Variants in ZNF888 observed in about 807,000 individuals in gnomAD.
ZNF888 encodes the protein CTD-2331H12.6.
ZNF888 carries 5 observed loss-of-function variants against 7.2 expected under a neutral mutation model. That is an observed-to-expected ratio of 0.70 (90% confidence interval 0.36 to 1.46). The LOEUF is 1.46. Among genes scored for constraint, ZNF888 ranks in the 40% most tolerant of loss-of-function variants. ZNF888 has a pLI of 0.03. For synonymous variants in ZNF888, 240 were observed against 284.3 expected, an observed-to-expected ratio of 0.84 and a Z score of 1.57; for missense variants, 716 against 858.0, an observed-to-expected ratio of 0.83 and a Z score of 2.07.
In ZNF888 at chr19:52,905,664, C is replaced by T. The variant is rs28394533; in HGVS notation, c.*501G>A. On this transcript the variant is annotated 3_prime_UTR_variant, in exon 5 of 5. Transcript: ENST00000638862. ...AATGTCAATTAATGCTTGAACTCAA[C>T]GTTAAGTCAACTCAAACTCAAGTCA... is the stretch of plus-strand genomic sequence containing the variant. The T allele has an allele frequency of 0.32, 128,873 of 404,976 alleles. 26,698 individuals carry two copies. Among genetic ancestry groups the T allele is most frequent in the African/African-American group, 0.69 (33,758 of 48,602 alleles). The allele number at this position is 404,976 out of a possible 1,614,324, so 25.1% of individuals were successfully genotyped here. A position where few individuals can be genotyped will look rare whatever the true frequency, so the allele number is the denominator to read the frequency against.
At position 52,907,584 on chromosome 19, in the gene ZNF888, T is replaced by TA. The variant is rs1437045875; in HGVS notation, c.737dup (p.Cys247MetfsTer6). ...GCTTCTGATTAAAGTCTTTGCCACA[T>TA]ACATCACATTTATATTGTTTCTCTC... is the stretch of plus-strand genomic sequence containing the variant. On this transcript the variant is annotated frameshift_variant, in exon 5 of 5. Coordinates refer to ENST00000638862, the MANE Select transcript of ZNF888 (RefSeq NM_001393938.1). LOFTEE classifies it low-confidence loss of function (END_TRUNC). The TA allele has an allele frequency of 6.2e-7, 1 of 1,607,394 alleles. No individual in the cohort carries two copies. The highest frequency in any genetic ancestry group is 8.5e-7 in the Non-Finnish European group (1 of 1,177,338).
chr19:52,913,208 G>GA (rs1213087718), intron 4 of ZNF888, among the ~76,000 whole-genome samples: 9 of 150,036 alleles, frequency 6.0e-5, no homozygotes, highest in African/African-American at 2.2e-4. Flanking sequence ...TAAAAGTCAT[G>GA]AAAAAACACT....
At chr19:52,913,970 AC>A (rs1356036206) in intron 4 of ZNF888, among the ~76,000 whole-genome samples, 3 of 152,164 alleles carry the variant, frequency 2.0e-5, no homozygotes, top group Non-Finnish European at 4.4e-5. Context: ...TACTAAAAAC[AC>A]AAAGTTAGTT....
rs2064618153 is a variant in ZNF888, at chr19:52,907,043, C to T, written c.1279G>A (p.Val427Ile). The change falls in exon 5 of 5, where the codon GTT (valine) becomes ATT (isoleucine). Residue 427 changes from valine to isoleucine, a missense_variant. Around this residue, in one of 2 missense-constraint regions of ZNF888, gnomAD observed 697 missense variants for 803.4 expected, o/e 0.87. Coordinates refer to ENST00000638862, the MANE Select transcript of ZNF888 (RefSeq NM_001393938.1). ...TCTCCAGTATGAATTGTCTTGTGAA[C>T]TAAGAGGGCTGAATTTTCACCAAAC... is the stretch of plus-strand genomic sequence containing the variant. The part of the protein sequence containing the change: ...KTFGENSALL[V>I]HKTIHTGEKP... 6.2e-7 allele frequency: 1 copy of T among 1,607,324 alleles called. No individual in the cohort carries two copies. Among genetic ancestry groups the T allele is most frequent in the African/African-American group, 1.4e-5 (1 of 72,644 alleles).
chr19:52,919,364 T>A lies in ZNF888; in HGVS notation c.-177-427A>T, dbSNP rs1465001088. 3.1e-5 allele frequency among the ~76,000 whole-genome samples: 2 copies of A among 65,340 alleles called. 1 individual carries two copies. The highest frequency in any genetic ancestry group is 6.7e-4 in the East Asian group (2 of 2,964). 42.9% of individuals were successfully genotyped at this position (65,340 alleles called of 152,430 possible). A position where few individuals can be genotyped will look rare whatever the true frequency, so the allele number is the denominator to read the frequency against. ...CATGTTTTTTTTGGTGGAGACGGGG[T>A]TTCGCTGTGTTGGCCGGGCTGGTCT... On this transcript the variant is annotated intron_variant, in intron 1 of 4. Transcript: ENST00000638862.
intron 4 of ZNF888, among the ~76,000 whole-genome samples, chr19:52,914,791 C>G (rs2064724987): frequency 6.6e-6 from 1 of 152,214 alleles, no homozygotes; most frequent in East Asian, 1.9e-4. Flanking sequence ...CTCAGCCTTT[C>G]TAGGAGCTAG....
At chr19:52,912,515 G>A (rs1275513052) in intron 4 of ZNF888, among the ~76,000 whole-genome samples, 1 of 147,560 alleles carries the variant, frequency 6.8e-6, no homozygotes, top group African/African-American at 2.5e-5. Flanking sequence ...CACGTGGTCA[G>A]GAGATTGAGA....
intron 4 of ZNF888, among the ~76,000 whole-genome samples, chr19:52,909,537 G>T (rs1722288148): frequency 6.6e-6 from 1 of 152,008 alleles, no homozygotes; most frequent in Non-Finnish European, 1.5e-5. Context: ...ATGAGCCACT[G>T]CGCCCGGGGG....
Position 52,907,060 on chromosome 19 carries a change from T to A in ZNF888, c.1262A>T (p.Glu421Val), listed in dbSNP as rs2064618626. 1 of 1,611,804 alleles carries A rather than the reference T, an allele frequency of 6.2e-7. No homozygotes were observed. Reference sequence around the variant, plus strand: ...CTTGTGAACTAAGAGGGCTGAATTTTCACCAAACGTTTTGCCACACTCATT... The same window carrying A: ...CTTGTGAACTAAGAGGGCTGAATTTACACCAAACGTTTTGCCACACTCATT... ...KCNECGKTFGENSALLVHKTI... is the reference protein window; with the variant it reads ...KCNECGKTFGVNSALLVHKTI... The change falls in exon 5 of 5, where the codon GAA becomes GTA. Residue 421 changes from glutamate to valine, a missense_variant. Physicochemically the swap from Glu to Val is moderately radical, Grantham distance 121. Coordinates refer to ENST00000638862, the MANE Select transcript of ZNF888 (RefSeq NM_001393938.1).
chr19:52,917,699 T>C lies in ZNF888; in HGVS notation c.15+160A>G, dbSNP rs560718184. ...GTTCATGTCATTGGGTCACGAGAGA[T>C]GGAATCTAGGTGAGATGAGAGGGAC... On this transcript the variant is annotated intron_variant, in intron 3 of 4. Coordinates refer to ENST00000638862, the MANE Select transcript of ZNF888 (RefSeq NM_001393938.1). Among the ~76,000 whole-genome samples, 3 of 152,132 alleles carry C rather than the reference T, an allele frequency of 2.0e-5. No homozygotes were observed. The South Asian group carries it at 6.2e-4, about 32-fold the overall frequency.
Position 52,906,733 on chromosome 19 carries a change from G to T in ZNF888, c.1589C>A (p.Thr530Asn), listed in dbSNP as rs1270643474. 2 of 1,608,136 alleles carry T rather than the reference G, an allele frequency of 1.2e-6. No homozygotes were observed. The highest frequency in any genetic ancestry group is 1.7e-6 in the Non-Finnish European group (2 of 1,176,046). The change falls in exon 5 of 5, where the codon ACC becomes AAC. Residue 530 changes from threonine to asparagine, a missense_variant. Physicochemically the swap from Thr to Asn is moderately conservative, Grantham distance 65. Transcript: ENST00000638862. ...TACAAGAGATGAATTTTGAACGAAG[G>T]TCTTGCCACACTCATTACACTTGTA... The part of the protein sequence containing the change: ...KPYKCNECGK[T>N]FVQNSSLVMH...
At chr19:52,917,806 C>T (rs2064768991) in intron 3 of ZNF888, 53 bp downstream of exon 3, 1 of 1,612,498 alleles carries the variant, frequency 6.2e-7, no homozygotes, top group Non-Finnish European at 8.5e-7. Flanking sequence ...CTCCAAGGCC[C>T]AGCATTTCTG....
chr19:52,914,524 C>T (rs1261129955), intron 4 of ZNF888: 1 of 172,008 alleles, frequency 5.8e-6, no homozygotes, highest in Non-Finnish European at 1.2e-5. Context: ...TCTCAAATTC[C>T]TCCACTGACT....
Position 52,907,563 on chromosome 19 carries a change from C to G in ZNF888, c.759G>C (p.Gln253His). Residue 253 changes from glutamine to histidine, a missense_variant, in exon 5 of 5, where the codon CAG (glutamine) becomes CAC (histidine). Gln to His is a conservative substitution (Grantham distance 24). Coordinates refer to ENST00000638862, the MANE Select transcript of ZNF888 (RefSeq NM_001393938.1). Reference sequence around the variant, plus strand: ...TACGATGGTGTGCAAGGTATCGCTTCTGATTAAAGTCTTTGCCACATACAT... The same window carrying G: ...TACGATGGTGTGCAAGGTATCGCTTGTGATTAAAGTCTTTGCCACATACAT... ...KCDVCGKDFN[Q>H]KRYLAHHRRC... 1 of 1,609,600 alleles carries G rather than the reference C, an allele frequency of 6.2e-7. No individual in the cohort carries two copies. The highest frequency in any genetic ancestry group is 1.1e-5 in the South Asian group (1 of 90,284).
intron 1 of ZNF888, among the ~76,000 whole-genome samples, chr19:52,920,533 G>GAAAAAAAAAAAAAAAAAAAAAA (rs1175516942): frequency 4.0e-5 from 1 of 24,802 alleles, no homozygotes. Context: ...AAAAGAAAAG[G>GAAAAAAAAAAAAAAAAAAAAAA]AAAAAAAAAA....
intron 4 of ZNF888, chr19:52,913,811 G>C: frequency 3.4e-6 from 3 of 872,724 alleles, no homozygotes; most frequent in Non-Finnish European, 2.7e-6. Flanking sequence ...TGTTTACTAA[G>C]AACTAAAAGA....
At chr19:52,923,004 AG>A (rs1428289762) in intron 1 of ZNF888, among the ~76,000 whole-genome samples, 3 of 152,132 alleles carry the variant, frequency 2.0e-5, no homozygotes, top group Non-Finnish European at 4.4e-5. Flanking sequence ...CTGTGGTGTC[AG>A]CGCTGGGCTC....
chr19:52,908,515 A>G (rs185089149), intron 4 of ZNF888, among the ~76,000 whole-genome samples: 12 of 152,312 alleles, frequency 7.9e-5, no homozygotes, highest in African/African-American at 2.9e-4. Context: ...AAAAAGAAGA[A>G]AATATATATT....
At position 52,905,939 on chromosome 19, in the gene ZNF888, A is replaced by G. The variant is rs145113662; in HGVS notation, c.*226T>C. 2,439 of 828,218 alleles carry G rather than the reference A, an allele frequency of 2.9e-3. 45 individuals carry two copies. In the African/African-American group the frequency reaches 0.035, roughly 12 times the overall value. 51.3% of individuals were successfully genotyped at this position (828,218 alleles called of 1,614,324 possible). ...ACTTGTGAGGTTTCTCTCCTGTATGAATTCTCCTGTTTTGCATAGGATGAA... is the reference window on the plus strand; with the variant it reads ...ACTTGTGAGGTTTCTCTCCTGTATGGATTCTCCTGTTTTGCATAGGATGAA... On this transcript the variant is annotated 3_prime_UTR_variant, in exon 5 of 5. Transcript: ENST00000638862.
Sources: allele counts gnomAD v4.1 joint callset (sites outside exome capture counted in the v4.1 genomes callset), GRCh38; gene constraint gnomAD v4.1.1; regional missense constraint gnomAD v4.1.1; transcripts MANE v1.5; gene names NCBI Gene and HGNC (gene_info 2026-07-23, HGNC 2026-07-21).